The following GLI3 variants were observed in gnomAD, a reference collection of about 807,000 sequenced individuals.
The protein encoded by GLI3 is transcription activator GLI3.
In GLI3, 20 loss-of-function variants were observed where a neutral mutation model predicts 100.8. That is an observed-to-expected ratio of 0.20 (90% CI 0.14 to 0.29). The LOEUF (loss-of-function observed/expected upper bound fraction) is 0.29, where lower values mean the gene tolerates loss of function less well. Among genes scored for constraint, GLI3 ranks in the 10% least tolerant of loss-of-function variants. The pLI is 1.00. For synonymous variants in GLI3, 938 were observed against 860.5 expected, an observed-to-expected ratio of 1.09 and a Z score of -1.58; for missense variants, 2,040 against 2,128.5, an observed-to-expected ratio of 0.96 and a Z score of 0.82.
At chr7:42,253,973 G>A (rs1003746798) in intron 1 of GLI3, among the ~76,000 whole-genome samples, 6 of 152,190 alleles carry the variant, frequency 3.9e-5, no homozygotes, top group Middle Eastern at 3.4e-3. Flanking sequence ...TAATCCCAGC[G>A]CTCTGGGAGG....
intron 2 of GLI3, among the ~76,000 whole-genome samples, chr7:42,182,660 A>ATATATATACATACATGTGTG (rs1554337054): frequency 3.4e-5 from 2 of 59,136 alleles, no homozygotes; most frequent in African/African-American, 1.9e-4. Flanking sequence ...ATATATATAT[A>ATATATATACATACATGTGTG]TATATATATA....
intron 3 of GLI3, among the ~76,000 whole-genome samples, chr7:42,080,388 T>C (rs1784973153): frequency 6.6e-6 from 1 of 152,266 alleles, no homozygotes. Flanking sequence ...TCGAGAATTA[T>C]GTTTAAATAA....
intron 4 of GLI3, among the ~76,000 whole-genome samples, chr7:42,067,191 T>G (rs1041401507): frequency 3.9e-5 from 6 of 152,210 alleles, no homozygotes; most frequent in African/African-American, 1.4e-4. Flanking sequence ...GAGGTCTGAT[T>G]GCTTACGTTA....
rs1394432793 is a variant in GLI3, at chr7:42,078,917, C to G, written c.368-2060G>C. Among the ~76,000 whole-genome samples, 8 of 151,876 alleles carry G rather than the reference C, an allele frequency of 5.3e-5. No individual in the cohort carries two copies. The East Asian group carries it at 5.8e-4, about 11-fold the overall frequency. ...GCTAATTTTTTGTATTTTTAGTAGACACAGGCTTTCACCGTGTTAGCCAGG... is the reference window on the plus strand; with the variant it reads ...GCTAATTTTTTGTATTTTTAGTAGAGACAGGCTTTCACCGTGTTAGCCAGG... On this transcript the variant is annotated intron_variant, in intron 3 of 14. Transcript: ENST00000395925.
Position 41,987,170 on chromosome 7 carries a change from T to A in GLI3, c.1498-8422A>T, listed in dbSNP as rs1228971384. ...TTGAGTCAAAGTGGAACCTATTTTA[T>A]TTTTTTGAGACAGAGTGAGACAGAG... On this transcript the variant is annotated intron_variant, in intron 10 of 14. Coordinates refer to ENST00000395925, the MANE Select transcript of GLI3 (RefSeq NM_000168.6). Among the ~76,000 whole-genome samples the A allele has an allele frequency of 2.3e-4, 35 of 151,346 alleles. 1 individual carries two copies. Among genetic ancestry groups the A allele is most frequent in the Admixed American group, 2.3e-3 (35 of 15,172 alleles).
intron 4 of GLI3, among the ~76,000 whole-genome samples, chr7:42,068,004 A>G (rs1406302386): frequency 6.6e-6 from 1 of 152,218 alleles, no homozygotes; most frequent in Non-Finnish European, 1.5e-5. Context: ...AGGTGATGGG[A>G]TTTTTAAAAA....
intron 10 of GLI3, among the ~76,000 whole-genome samples, chr7:41,985,089 G>A (rs766718581): frequency 6.6e-6 from 1 of 152,218 alleles, no homozygotes; most frequent in African/African-American, 2.4e-5. Flanking sequence ...GTCACTGGTG[G>A]AAGGCTGAGC....
chr7:42,203,994 A>AAT (rs1018357356), intron 2 of GLI3, among the ~76,000 whole-genome samples: 14 of 151,960 alleles, frequency 9.2e-5, no homozygotes, highest in East Asian at 1.9e-4. Context: ...TCCATCTCAA[A>AAT]ATATATATAT....
chr7:42,055,306 G>A (rs1784437274), intron 4 of GLI3, among the ~76,000 whole-genome samples: 1 of 152,018 alleles, frequency 6.6e-6, no homozygotes, highest in Non-Finnish European at 1.5e-5. Flanking sequence ...GAGAGGTGCA[G>A]ATGGTTATGG....
rs1787984092 is a variant in GLI3 at position 41,991,403 on chromosome 7, A to G, written c.1498-12655T>C. Among the ~76,000 whole-genome samples the G allele has an allele frequency of 4.6e-5, 7 of 152,132 alleles. No homozygotes were observed. In the South Asian group the frequency reaches 1.4e-3, roughly 31 times the overall value. On this transcript the variant is annotated intron_variant, in intron 10 of 14. Coordinates refer to ENST00000395925, the MANE Select transcript of GLI3 (RefSeq NM_000168.6). ...GAAGTATCAACTCTATCATTTTTCA[A>G]TCAACTTTTATTCACAAGCCACCCT...
intron 1 of GLI3, among the ~76,000 whole-genome samples, chr7:42,256,107 T>C (rs766214193): frequency 2.6e-5 from 4 of 152,184 alleles, no homozygotes; most frequent in Non-Finnish European, 4.4e-5. Flanking sequence ...CATATCTTCT[T>C]AGTGAAATTT....
At chr7:42,231,690 C>T (rs191934470) in intron 1 of GLI3, among the ~76,000 whole-genome samples, 129 of 152,334 alleles carry the variant, frequency 8.5e-4, no homozygotes, top group African/African-American at 3.0e-3. Context: ...TCTCTACACA[C>T]TGCTAACTTT....
chr7:41,971,150 A>G (rs983026805), intron 13 of GLI3, among the ~76,000 whole-genome samples: 2 of 152,240 alleles, frequency 1.3e-5, no homozygotes, highest in Non-Finnish European at 2.9e-5. Flanking sequence ...CACCGTCTCA[A>G]TGGTAAGATT....
intron 2 of GLI3, among the ~76,000 whole-genome samples, chr7:42,195,986 C>T (rs1215446187): frequency 1.3e-5 from 2 of 152,056 alleles, no homozygotes; most frequent in Non-Finnish European, 2.9e-5. Context: ...GACTTTGTTG[C>T]CAAGTTGTGC....
chr7:41,966,108 G>T lies in GLI3; in HGVS notation c.2965C>A (p.Arg989=). ...GCATCGTGCGGCTGCAGGTGGCGCC[G>T]CCCGTAGCCGTGGGCTCCCCCGTCG... The part of the protein sequence containing the change: ...CSDGGAHGYG[R]RHLQPHDAPG... The change falls in exon 15 of 15, where the codon CGG becomes AGG. Residue 989 remains arginine (R), a synonymous_variant. Transcript: ENST00000395925. This position sits in a 1 kb window ranked among gnomAD's most constrained non-coding sequence, Gnocchi z 5.8. 1 of 1,573,764 alleles carries T rather than the reference G, an allele frequency of 6.4e-7. No individual in the cohort carries two copies.
Position 41,965,388 on chromosome 7 carries a change from A to G in GLI3, c.3685T>C (p.Leu1229=). 4 of 1,612,240 alleles carry G rather than the reference A, an allele frequency of 2.5e-6. No individual in the cohort carries two copies. The highest frequency in any genetic ancestry group is 3.4e-6 in the Non-Finnish European group (4 of 1,179,282). ...NSNPYGGPEH[L]MLHNSPGSGT... is the part of the protein sequence containing the mutation. The stretch of plus-strand genomic sequence containing the variant: ...CTTCCGGGGCTGTTGTGGAGCATCA[A>G]GTGCTCTGGGCCACCGTAGGGGTTG... The change falls in exon 15 of 15, where the codon TTG becomes CTG. Residue 1229 remains leucine (L), a synonymous_variant. Coordinates refer to ENST00000395925, the MANE Select transcript of GLI3 (RefSeq NM_000168.6).
At chr7:42,222,067 G>T (rs1788496699) in intron 2 of GLI3, among the ~76,000 whole-genome samples, 1 of 152,180 alleles carries the variant, frequency 6.6e-6, no homozygotes, top group African/African-American at 2.4e-5. Flanking sequence ...CAGGCTCTCA[G>T]CAGACATGGA....
chr7:42,249,038 C>T (rs910904032), intron 1 of GLI3, among the ~76,000 whole-genome samples: 6 of 152,114 alleles, frequency 3.9e-5, no homozygotes, highest in South Asian at 4.1e-4. Flanking sequence ...TGAGCCACTG[C>T]GCCTGGCCTT....
chr7:42,139,418 G>A (rs988549543), intron 3 of GLI3, among the ~76,000 whole-genome samples: 25 of 152,116 alleles, frequency 1.6e-4, no homozygotes, highest in Admixed American at 1.4e-3. Flanking sequence ...GGTGGCTCAC[G>A]CCTGTAATCC....
Sources: gnomAD v4.1 joint callset for allele counts (sites outside exome capture counted in the v4.1 genomes callset) on GRCh38, gnomAD v4.1.1 for gene constraint, Gnocchi (gnomAD v3.1) non-coding constraint, MANE v1.5 for transcripts, NCBI Gene and HGNC (gene_info 2026-07-23, HGNC 2026-07-21) for gene names.